The following B3GALT1 variants were observed in gnomAD, a reference collection of about 807,000 sequenced individuals.
B3GALT1 encodes UDP-Gal:betaGlcNAc beta 1,3-galactosyltransferase, polypeptide 1.
B3GALT1 carries 10 observed loss-of-function variants against 23.2 expected under a neutral mutation model. That is an observed-to-expected ratio of 0.43 (90% CI 0.27 to 0.73). The LOEUF (loss-of-function observed/expected upper bound fraction) is 0.73, where lower values mean the gene tolerates loss of function less well. B3GALT1 is among the 30% of genes least tolerant of loss of function. The probability of loss-of-function intolerance (pLI) is 0.21; values close to 1 mark genes in which losing one functional copy is unlikely to be tolerated. For missense variants in B3GALT1, 299 were observed against 405.4 expected (o/e 0.74, Z 2.25); for synonymous variants, 156 against 141.5 (o/e 1.10, Z -0.73).
chr2:167,577,666 T>C (rs1684409061), intron 2 of B3GALT1, among the ~76,000 whole-genome samples: 2 of 151,904 alleles, frequency 1.3e-5, no homozygotes, highest in African/African-American at 4.8e-5. Flanking sequence ...CTCGATCATA[T>C]TTCTGATTTG....
chr2:167,738,556 T>C (rs1026067624), intron 3 of B3GALT1, among the ~76,000 whole-genome samples: 5 of 152,230 alleles, frequency 3.3e-5, no homozygotes, highest in Admixed American at 1.3e-4. Flanking sequence ...GGAGTTCTTA[T>C]GTTTTTTCCT....
intron 1 of B3GALT1, among the ~76,000 whole-genome samples, chr2:167,481,527 A>C (rs999709755): frequency 6.7e-6 from 1 of 149,392 alleles, no homozygotes; most frequent in African/African-American, 2.4e-5. Context: ...GCTTTTCCAA[A>C]ATGTTTCAAC....
intron 3 of B3GALT1, among the ~76,000 whole-genome samples, chr2:167,656,123 G>C (rs965468232): frequency 4.6e-5 from 7 of 152,226 alleles, no homozygotes; most frequent in Admixed American, 1.3e-4. Flanking sequence ...AGATTTATGT[G>C]AGGACAGAAT....
At chr2:167,682,306 T>C (rs751076662) in intron 3 of B3GALT1, among the ~76,000 whole-genome samples, 20 of 152,228 alleles carry the variant, frequency 1.3e-4, no homozygotes, top group Non-Finnish European at 2.9e-5. Flanking sequence ...ATTAAAAGTA[T>C]CAAATAGCTA....
At chr2:167,464,300 C>G (rs1043778795) in intron 1 of B3GALT1, among the ~76,000 whole-genome samples, 1 of 152,008 alleles carries the variant, frequency 6.6e-6, no homozygotes, top group Non-Finnish European at 1.5e-5. Flanking sequence ...AATGGAAATG[C>G]AAGTTCTTGA....
chr2:167,450,103 T>C (rs949097686), intron 1 of B3GALT1, among the ~76,000 whole-genome samples: 3 of 152,184 alleles, frequency 2.0e-5, no homozygotes, highest in African/African-American at 7.2e-5. Flanking sequence ...GTTACCAGCT[T>C]CACAGAATGA....
At chr2:167,812,095 C>T (rs1688900407) in intron 3 of B3GALT1, among the ~76,000 whole-genome samples, 1 of 152,174 alleles carries the variant, frequency 6.6e-6, no homozygotes. Context: ...AAAAGCAAAA[C>T]AACTGCCCCC....
At chr2:167,684,928 C>T (rs1381910649) in intron 3 of B3GALT1, among the ~76,000 whole-genome samples, 1 of 152,064 alleles carries the variant, frequency 6.6e-6, no homozygotes, top group Non-Finnish European at 1.5e-5. Flanking sequence ...AGACACATGA[C>T]AGTTAGGGGC....
chr2:167,337,208 A>AT lies in B3GALT1; in HGVS notation c.-511+43883dup, dbSNP rs200731188. On this transcript the variant is annotated intron_variant, in intron 1 of 4. Coordinates refer to ENST00000392690, the MANE Select transcript of B3GALT1 (RefSeq NM_020981.4). ...TCACTCCAGCAGAGCCAAAGGATATATTTTTTTTTGTGGCTTCCTATAATG... is the reference window on the plus strand; with the variant it reads ...TCACTCCAGCAGAGCCAAAGGATATATTTTTTTTTTGTGGCTTCCTATAATG... 5.1e-4 allele frequency among the ~76,000 whole-genome samples: 77 copies of AT among 151,562 alleles called. 1 individual carries two copies. Among genetic ancestry groups the AT allele is most frequent in the East Asian group, 1.7e-3 (9 of 5,172 alleles).
intron 3 of B3GALT1, among the ~76,000 whole-genome samples, chr2:167,674,397 A>G (rs892251879): frequency 6.6e-6 from 1 of 152,180 alleles, no homozygotes; most frequent in African/African-American, 2.4e-5. Flanking sequence ...ATGTTTAATA[A>G]ATGTCCCAAT....
intron 3 of B3GALT1, among the ~76,000 whole-genome samples, chr2:167,787,314 T>C (rs1442633833): frequency 6.6e-6 from 1 of 152,184 alleles, no homozygotes; most frequent in African/African-American, 2.4e-5. Flanking sequence ...GAAGTTTATG[T>C]ACTAGCAGGT....
At chr2:167,807,143 G>T (rs554483295) in intron 3 of B3GALT1, among the ~76,000 whole-genome samples, 83 of 152,264 alleles carry the variant, frequency 5.5e-4, no homozygotes, top group Admixed American at 2.0e-3. Context: ...TTGTATTTCT[G>T]TGGGATCAGT....
chr2:167,814,898 T>C (rs836715), intron 3 of B3GALT1: 55,200 of 152,118 alleles, frequency 0.36, 11,304 homozygotes, highest in East Asian at 0.69. Flanking sequence ...CCCTGGTTTC[T>C]AGCATTGCCT....
At chr2:167,634,948 G>T (rs1041457765) in intron 2 of B3GALT1, among the ~76,000 whole-genome samples, 11 of 152,048 alleles carry the variant, frequency 7.2e-5, no homozygotes, top group African/African-American at 2.7e-4. Context: ...CAAAAATCCT[G>T]TATAAAATAC....
At chr2:167,351,133 G>GT (rs536860907) in intron 1 of B3GALT1, among the ~76,000 whole-genome samples, 29 of 152,166 alleles carry the variant, frequency 1.9e-4, no homozygotes, top group Non-Finnish European at 3.4e-4. Flanking sequence ...GCTGGGCATG[G>GT]TGGCGGGTGC....
intron 2 of B3GALT1, among the ~76,000 whole-genome samples, chr2:167,547,595 G>A (rs2105377984): frequency 6.6e-6 from 1 of 151,256 alleles, no homozygotes; most frequent in East Asian, 2.0e-4. Flanking sequence ...TCAGGAGGGT[G>A]AGGCAAGAGA....
intron 4 of B3GALT1, among the ~76,000 whole-genome samples, chr2:167,823,358 TA>T (rs112118285): frequency 0.029 from 4,277 of 149,776 alleles, 198 homozygotes; most frequent in African/African-American, 0.099. Flanking sequence ...GGACTGGAAC[TA>T]AAAAAAAAAT....
chr2:167,752,918 A>G (rs1281144134), intron 3 of B3GALT1, among the ~76,000 whole-genome samples: 2 of 152,194 alleles, frequency 1.3e-5, no homozygotes, highest in Non-Finnish European at 2.9e-5. Flanking sequence ...GAGTGCATGC[A>G]GCACTCATTG....
intron 2 of B3GALT1, among the ~76,000 whole-genome samples, chr2:167,597,937 T>C (rs1048875250): frequency 2.0e-5 from 3 of 152,158 alleles, no homozygotes; most frequent in Non-Finnish European, 2.9e-5. Flanking sequence ...AGATATGACA[T>C]AAATTAAACC....
Sources: allele counts gnomAD v4.1 joint callset (sites outside exome capture counted in the v4.1 genomes callset), GRCh38; gene constraint gnomAD v4.1.1; transcripts MANE v1.5; gene names NCBI Gene and HGNC (gene_info 2026-07-23, HGNC 2026-07-21).